The following LRRC4C variants were observed in gnomAD, a reference collection of about 807,000 sequenced individuals.
LRRC4C encodes leucine rich repeat containing 4C.
Under a neutral mutation model 33.6 loss-of-function variants are expected in LRRC4C, and 5 were observed. That is an observed-to-expected ratio of 0.15 (90% CI 0.08 to 0.31). LRRC4C has a LOEUF of 0.31. LRRC4C is among the 10% of genes least tolerant of loss of function. The pLI is 1.00. For missense variants in LRRC4C, 560 were observed against 796.7 expected, an observed-to-expected ratio of 0.70 and a Z score of 3.58; for synonymous variants, 329 against 302.0, an observed-to-expected ratio of 1.09 and a Z score of -0.93.
intron 3 of LRRC4C, among the ~76,000 whole-genome samples, chr11:40,468,536 C>T (rs1374981038): frequency 0.015 from 2,351 of 152,206 alleles, 59 homozygotes; most frequent in African/African-American, 0.053. Flanking sequence ...AACAACTGGG[C>T]TTATAGCCTA....
chr11:41,073,113 A>G (rs143890737), intron 1 of LRRC4C, among the ~76,000 whole-genome samples: 12 of 152,288 alleles, frequency 7.9e-5, no homozygotes, highest in African/African-American at 2.9e-4. Context: ...TGCAGTTGTC[A>G]TAGTCTGTTT....
rs141195480 is a variant in LRRC4C, at chr11:40,668,390, TAGAA to T, written c.-406-20116_-406-20113del. ...GTATCTGGTCATTTGCTTTCCTTCT[TAGAA>T]AGAGAGAGAAACACACACACATAAA... On this transcript the variant is annotated intron_variant, in intron 2 of 6. Transcript: ENST00000528697. Among the ~76,000 whole-genome samples, 1,114 of 152,292 alleles carry T rather than the reference TAGAA, an allele frequency of 7.3e-3. 11 individuals are homozygous for T. Among genetic ancestry groups the T allele is most frequent in the African/African-American group, 0.025 (1,036 of 41,552 alleles).
chr11:40,293,182 C>A (rs1944312132), intron 4 of LRRC4C: 1 of 138,820 alleles, frequency 7.2e-6, no homozygotes, highest in East Asian at 2.5e-4. Context: ...CATAATCTCA[C>A]GTTAAATGGA....
intron 3 of LRRC4C, among the ~76,000 whole-genome samples, chr11:40,453,072 C>T (rs975928599): frequency 1.3e-5 from 2 of 151,832 alleles, no homozygotes; most frequent in Non-Finnish European, 2.9e-5. Flanking sequence ...AGGAGATATA[C>T]CTAATGTTAA....
intron 2 of LRRC4C, among the ~76,000 whole-genome samples, chr11:40,704,593 G>A (rs1946051256): frequency 6.6e-6 from 1 of 152,060 alleles, no homozygotes; most frequent in Admixed American, 6.6e-5. Flanking sequence ...AACTAACCCT[G>A]TTAGTTTTTG....
chr11:41,084,166 A>C (rs1939784867), intron 1 of LRRC4C, among the ~76,000 whole-genome samples: 1 of 152,230 alleles, frequency 6.6e-6, no homozygotes, highest in South Asian at 2.1e-4. Context: ...CAGCAGCAAC[A>C]AAGGGAGAAG....
intron 3 of LRRC4C, among the ~76,000 whole-genome samples, chr11:40,541,613 G>T (rs1272450937): frequency 6.6e-6 from 1 of 152,084 alleles, no homozygotes; most frequent in Admixed American, 6.6e-5. Flanking sequence ...AGGCTAGCTA[G>T]TTGCATCCCT....
chr11:40,198,558 G>A (rs1312406693), intron 5 of LRRC4C, among the ~76,000 whole-genome samples: 1 of 152,134 alleles, frequency 6.6e-6, no homozygotes, highest in African/African-American at 2.4e-5. Flanking sequence ...CTTTGAGAGA[G>A]TTCCAGAAAG....
At chr11:41,392,135 G>T (rs1394979157) in intron 1 of LRRC4C, among the ~76,000 whole-genome samples, 1 of 151,982 alleles carries the variant, frequency 6.6e-6, no homozygotes, top group East Asian at 1.9e-4. Flanking sequence ...ACTATAACAT[G>T]TTTGCTGTGG....
chr11:41,159,699 A>G (rs1381601467), intron 1 of LRRC4C, among the ~76,000 whole-genome samples: 1 of 152,154 alleles, frequency 6.6e-6, no homozygotes, highest in Non-Finnish European at 1.5e-5. Flanking sequence ...ATACTATTTT[A>G]CATATGAGAA....
intron 3 of LRRC4C, among the ~76,000 whole-genome samples, chr11:40,375,075 T>C (rs960137560): frequency 1.3e-5 from 2 of 152,200 alleles, no homozygotes; most frequent in African/African-American, 4.8e-5. Flanking sequence ...AATTTTCTCA[T>C]GATAAAATCA....
At chr11:41,442,428 G>A (rs950865558) in intron 1 of LRRC4C, among the ~76,000 whole-genome samples, 29 of 140,918 alleles carry the variant, frequency 2.1e-4, no homozygotes, top group African/African-American at 7.2e-4. Context: ...TTTAATTCAA[G>A]ACACAGTTCT....
chr11:40,225,910 C>G (rs191033242), intron 5 of LRRC4C, among the ~76,000 whole-genome samples: 1 of 152,172 alleles, frequency 6.6e-6, no homozygotes, highest in South Asian at 2.1e-4. Context: ...TGAGCCACCA[C>G]GCCCAGCCTA....
intron 2 of LRRC4C, among the ~76,000 whole-genome samples, chr11:40,889,503 T>C (rs1955610481): frequency 1.3e-5 from 2 of 152,072 alleles, no homozygotes; most frequent in South Asian, 4.1e-4. Flanking sequence ...AAAATAAGCA[T>C]AGAACAAAAA....
intron 1 of LRRC4C, among the ~76,000 whole-genome samples, chr11:41,361,212 C>T (rs777785525): frequency 4.6e-5 from 7 of 152,138 alleles, no homozygotes; most frequent in East Asian, 3.9e-4. Context: ...GTCACTGAAT[C>T]GTGTTTGGAA....
intron 3 of LRRC4C, among the ~76,000 whole-genome samples, chr11:40,585,995 G>C (rs1958718929): frequency 7.4e-6 from 1 of 135,420 alleles, no homozygotes; most frequent in Non-Finnish European, 1.6e-5. Flanking sequence ...CCCAGTAATG[G>C]GATGGCTGGC....
intron 1 of LRRC4C, among the ~76,000 whole-genome samples, chr11:41,125,900 G>T (rs1209766669): frequency 6.6e-6 from 1 of 152,108 alleles, no homozygotes; most frequent in African/African-American, 2.4e-5. Flanking sequence ...TGTATATATG[G>T]ATATGGAGAT....
chr11:40,231,329 A>T (rs1461315561), intron 5 of LRRC4C, among the ~76,000 whole-genome samples: 1 of 152,234 alleles, frequency 6.6e-6, no homozygotes, highest in African/African-American at 2.4e-5. Context: ...AATTGGCTGT[A>T]AGATGATATG....
At chr11:41,412,838 G>A (rs187962693) in intron 1 of LRRC4C, among the ~76,000 whole-genome samples, 136 of 152,200 alleles carry the variant, frequency 8.9e-4, no homozygotes, top group African/African-American at 2.9e-3. Flanking sequence ...TCTCAAAAAG[G>A]AATGAACTCT....
Sources: gnomAD v4.1 joint callset for allele counts (sites outside exome capture counted in the v4.1 genomes callset) on GRCh38, gnomAD v4.1.1 for gene constraint, MANE v1.5 for transcripts, NCBI Gene and HGNC (gene_info 2026-07-23, HGNC 2026-07-21) for gene names.